The following ZNF638 variants were observed in gnomAD, a reference collection of about 807,000 sequenced individuals.
ZNF638 encodes CTCL tumor antigen se33-1.
Under a neutral mutation model 195.6 loss-of-function variants are expected in ZNF638, and 46 were observed. The observed-to-expected ratio is 0.24, with a 90% CI of 0.19 to 0.30. ZNF638 has a LOEUF of 0.30. ZNF638 is among the 10% of genes least tolerant of loss of function. ZNF638 has a pLI of 1.00. For missense variants in ZNF638, 2,440 were observed against 2,325.3 expected (o/e 1.05, Z -1.01); for synonymous variants, 845 against 772.0 (o/e 1.09, Z -1.57).
At chr2:71,352,206 G>A (rs906530120) in intron 2 of ZNF638, among the ~76,000 whole-genome samples, 14 of 152,084 alleles carry the variant, frequency 9.2e-5, no homozygotes, top group Non-Finnish European at 1.9e-4. Flanking sequence ...GCCGGGCACA[G>A]TGGCTCACTG....
rs773966421 is a variant in ZNF638, at chr2:71,423,105, G to A, written c.3591G>A (p.Glu1197=). The A allele has an allele frequency of 3.1e-6, 5 of 1,614,148 alleles. No homozygotes were observed. The South Asian group carries it at 5.5e-5, about 18-fold the overall frequency. ...AACAATTCACTGAAAATGCCGAGGA[G>A]TGTGCTTTAAATCAGCAGATGTTTA... ...SIEQFTENAE[E]CALNQQMFNS... The change falls in exon 22 of 28, where the codon GAG becomes GAA. Residue 1197 remains glutamate, a synonymous_variant. Coordinates refer to ENST00000264447, the MANE Select transcript of ZNF638 (RefSeq NM_014497.5).
intron 16 of ZNF638, among the ~76,000 whole-genome samples, chr2:71,402,821 T>A (rs1230041708): frequency 6.6e-6 from 1 of 152,152 alleles, no homozygotes; most frequent in Non-Finnish European, 1.5e-5. Context: ...GAAGTGTTCT[T>A]ACGTTAGAGA....
rs763261451 is a variant in ZNF638 at position 71,408,195 on chromosome 2, T to C, written c.3209T>C (p.Ile1070Thr). The C allele has an allele frequency of 1.2e-6, 2 of 1,613,482 alleles. No homozygotes were observed. The highest frequency in any genetic ancestry group is 1.7e-6 in the Non-Finnish European group (2 of 1,179,608). ...TTTCTGAAACAAAATCCACAAAATA[T>C]TGGTGACCATATGTTGACCTGCTCA... The part of the protein sequence containing the change: ...YSFLKQNPQN[I>T]GDHMLTCSLS... The change falls in exon 20 of 28, where the codon ATT becomes ACT. Residue 1070 changes from isoleucine to threonine, a missense_variant. Physicochemically the swap from Ile to Thr is moderately conservative, Grantham distance 89 (BLOSUM62 -1). Coordinates refer to ENST00000264447, the MANE Select transcript of ZNF638 (RefSeq NM_014497.5).
chr2:71,418,173 G>A (rs1330799606), intron 20 of ZNF638: 1 of 152,602 alleles, frequency 6.6e-6, no homozygotes, highest in African/African-American at 2.4e-5. Flanking sequence ...TATTTAAAAG[G>A]ATTATTGTTC....
intron 19 of ZNF638, among the ~76,000 whole-genome samples, chr2:71,406,723 G>A (rs1013739357): frequency 2.6e-5 from 4 of 152,168 alleles, no homozygotes; most frequent in African/African-American, 9.7e-5. Flanking sequence ...ATAATTGCTG[G>A]ATGCAGTGGC....
intron 3 of ZNF638, among the ~76,000 whole-genome samples, chr2:71,360,412 A>G (rs371800599): frequency 1.5e-4 from 23 of 152,206 alleles, no homozygotes; most frequent in African/African-American, 5.5e-4. Context: ...TCCTTCTAAT[A>G]TATAAGCCAA....
chr2:71,419,548 A>C (rs2080378812), intron 21 of ZNF638, among the ~76,000 whole-genome samples: 1 of 152,220 alleles, frequency 6.6e-6, no homozygotes, highest in Admixed American at 6.5e-5. Context: ...GTACATTAAA[A>C]TATACCAGTA....
intron 10 of ZNF638, chr2:71,395,379 T>A: frequency 1.4e-6 from 1 of 698,478 alleles, no homozygotes; most frequent in Non-Finnish European, 2.7e-6. Context: ...GTCAGGGTGG[T>A]GGGAAAAGTT....
intron 1 of ZNF638, among the ~76,000 whole-genome samples, chr2:71,336,954 C>T (rs779580089): frequency 2.0e-5 from 3 of 152,142 alleles, no homozygotes; most frequent in Non-Finnish European, 2.9e-5. Flanking sequence ...GGGTGGGTAT[C>T]TTCAGATCAG....
At chr2:71,344,022 C>G (rs1029698613) in intron 1 of ZNF638, among the ~76,000 whole-genome samples, 2 of 152,136 alleles carry the variant, frequency 1.3e-5, no homozygotes, top group Non-Finnish European at 2.9e-5. Context: ...CCCAGCTACT[C>G]AGGAGGGCGA....
chr2:71,427,037 C>T lies in ZNF638; in HGVS notation c.5168C>T (p.Ser1723Phe), dbSNP rs779226605. 5 of 1,613,400 alleles carry T rather than the reference C, an allele frequency of 3.1e-6. No individual in the cohort carries two copies. The highest frequency in any genetic ancestry group is 4.2e-6 in the Non-Finnish European group (5 of 1,179,830). ...DTVRDSIGFISSQVPEDPSTL... is the reference protein window; with the variant it reads ...DTVRDSIGFIFSQVPEDPSTL... ...GTAAGGGATTCCATTGGCTTCATTT[C>T]TTCTCAGGTGCCCGAAGACCCTTCT... The change falls in exon 24 of 28, where the codon TCT (serine) becomes TTT (phenylalanine). Residue 1723 changes from serine (S) to phenylalanine (F), a missense_variant. Ser to Phe is a radical substitution (Grantham distance 155, BLOSUM62 -2). Around this residue, in one of 5 missense-constraint regions of ZNF638, gnomAD observed 1,883 missense variants for 1,739.1 expected, o/e 1.08. Coordinates refer to ENST00000264447, the MANE Select transcript of ZNF638 (RefSeq NM_014497.5).
chr2:71,434,710 A>G (rs768019456), intron 27 of ZNF638, 32 bp from the exon 28 acceptor site: 6 of 1,578,912 alleles, frequency 3.8e-6, no homozygotes, highest in Non-Finnish European at 5.2e-6. Flanking sequence ...AACGTCTAAT[A>G]AGTATTTTAT....
Position 71,427,269 on chromosome 2 carries a change from C to G in ZNF638, c.5400C>G (p.Asp1800Glu). Residue 1800 changes from aspartate (D) to glutamate (E), a missense_variant, in exon 24 of 28, where the codon GAC (aspartate) becomes GAG (glutamate). By Grantham distance (45) the Asp-to-Glu change is conservative. Coordinates refer to ENST00000264447, the MANE Select transcript of ZNF638 (RefSeq NM_014497.5). ...LKVELAQSKN[D>E]HPTDKKGNRK... ...TTGAGTTAGCACAAAGCAAAAATGA[C>G]CATCCCACAGATAAAAAAGGGAATA... 6.2e-7 allele frequency: 1 copy of G among 1,613,520 alleles called. No individual in the cohort carries two copies. The highest frequency in any genetic ancestry group is 8.5e-7 in the Non-Finnish European group (1 of 1,179,906).
rs377706152 is a variant in ZNF638 at position 71,426,569 on chromosome 2, A to C, written c.4700A>C (p.Glu1567Ala). 3 of 1,614,034 alleles carry C rather than the reference A, an allele frequency of 1.9e-6. No homozygotes were observed. The highest frequency in any genetic ancestry group is 2.5e-6 in the Non-Finnish European group (3 of 1,180,026). The change falls in exon 24 of 28, where the codon GAA becomes GCA. Residue 1567 changes from glutamate (E) to alanine (A), a missense_variant. Transcript: ENST00000264447. ...AATCCACTAAAGGGAAAAAGGAAAG[A>C]AACTCTCAAAAATGTTCCTTTCTCT... Reference protein sequence around the residue: ...KQNPLKGKRKETLKNVPFSEL... With the variant: ...KQNPLKGKRKATLKNVPFSEL...
chr2:71,407,405 T>C (rs1015391415), intron 19 of ZNF638: 1 of 152,262 alleles, frequency 6.6e-6, no homozygotes, highest in African/African-American at 2.4e-5. Flanking sequence ...TACAACATTT[T>C]AAGGATTGTT....
At chr2:71,430,269 A>G (rs1056060216) in intron 25 of ZNF638, among the ~76,000 whole-genome samples, 2 of 152,102 alleles carry the variant, frequency 1.3e-5, no homozygotes, top group African/African-American at 2.4e-5. Context: ...AGGAACAGAT[A>G]TGTTTGGGAA....
chr2:71,346,589 G>C (rs1451633730), intron 1 of ZNF638, among the ~76,000 whole-genome samples: 1 of 152,154 alleles, frequency 6.6e-6, no homozygotes, highest in Admixed American at 6.5e-5. Flanking sequence ...TTTTGAGTAG[G>C]AGTAGGGTTT....
Position 71,363,032 on chromosome 2 carries a change from C to T in ZNF638, c.1380-121C>T, listed in dbSNP as rs1023414084. 4.8e-5 allele frequency: 37 copies of T among 773,764 alleles called. No homozygotes were observed. The Admixed American group carries it at 8.6e-4, about 18-fold the overall frequency. 47.9% of individuals were successfully genotyped at this position (773,764 alleles called of 1,614,324 possible). On this transcript the variant is annotated intron_variant, in intron 3 of 27. Coordinates refer to ENST00000264447, the MANE Select transcript of ZNF638 (RefSeq NM_014497.5). ...TTGATTATTTATTGAATTAAACTCT[C>T]AAAATATTTTATTTCCAATAAAAGT... is the stretch of plus-strand genomic sequence containing the variant.
At position 71,423,734 on chromosome 2, in the gene ZNF638, C is replaced by T; in HGVS notation, c.4220C>T (p.Thr1407Ile). The T allele has an allele frequency of 1.2e-6, 2 of 1,613,896 alleles. No homozygotes were observed. The highest frequency in any genetic ancestry group is 1.3e-5 in the African/African-American group (1 of 75,064). Residue 1407 changes from threonine to isoleucine, a missense_variant, in exon 22 of 28, where the codon ACA (threonine) becomes ATA (isoleucine). This residue lies in a region of ZNF638 where 1,883 missense variants were observed against 1,739.1 expected (regional missense o/e 1.08). Transcript: ENST00000264447. ...VIVSSPKAKA[T>I]VSKTENQKSF... is the part of the protein sequence containing the mutation. Reference sequence around the variant, plus strand: ...GTCTCTTCTCCTAAGGCAAAAGCTACAGTTTCAAAAACTGAAAATCAGAAA... The same window carrying T: ...GTCTCTTCTCCTAAGGCAAAAGCTATAGTTTCAAAAACTGAAAATCAGAAA...
Sources: allele counts gnomAD v4.1 joint callset (sites outside exome capture counted in the v4.1 genomes callset), GRCh38; gene constraint gnomAD v4.1.1; regional missense constraint gnomAD v4.1.1; transcripts MANE v1.5; gene names NCBI Gene and HGNC (gene_info 2026-07-23, HGNC 2026-07-21).